Variants in NOL8 observed in about 807,000 individuals in gnomAD.
NOL8 encodes nucleolar protein 8, also known as nucleolar protein Nop132.
In NOL8, 93 loss-of-function variants were observed where a neutral mutation model predicts 116.1. That is an observed-to-expected ratio of 0.80 (90% CI 0.68 to 0.95). NOL8 has a LOEUF of 0.95. Among genes scored for constraint, NOL8 ranks in the 40% least tolerant of loss-of-function variants. The probability of loss-of-function intolerance (pLI) is 0.00; values close to 1 mark genes in which losing one functional copy is unlikely to be tolerated. For synonymous variants in NOL8, 419 were observed against 469.0 expected, an observed-to-expected ratio of 0.89 and a Z score of 1.38; for missense variants, 1,291 against 1,382.8, an observed-to-expected ratio of 0.93 and a Z score of 1.05.
At chr9:92,302,822 A>G (rs778079133) in intron 12 of NOL8, among the ~76,000 whole-genome samples, 1 of 152,248 alleles carries the variant, frequency 6.6e-6, no homozygotes, top group Non-Finnish European at 1.5e-5. Flanking sequence ...AGCAAAAGCT[A>G]GAAGGACCTT....
At position 92,311,205 on chromosome 9, in the gene NOL8, A is replaced by G. The variant is rs1838753017; in HGVS notation, c.2413T>C (p.Cys805Arg). 1 of 1,613,722 alleles carries G rather than the reference A, an allele frequency of 6.2e-7. No homozygotes were observed. Among genetic ancestry groups the G allele is most frequent in the Admixed American group, 1.7e-5 (1 of 59,988 alleles). ...TGAGTCGATGTCTCCTCTGTTTCACATTCACTGTCAGAACCGAAGATGATG... is the reference window on the plus strand; with the variant it reads ...TGAGTCGATGTCTCCTCTGTTTCACGTTCACTGTCAGAACCGAAGATGATG... ...THIIFGSDSE[C>R]ETEETSTQEQ... The change falls in exon 8 of 17, where the codon TGT (cysteine) becomes CGT (arginine). Residue 805 changes from cysteine (C) to arginine (R), a missense_variant. Coordinates refer to ENST00000442668, the MANE Select transcript of NOL8 (RefSeq NM_017948.6).
At chr9:92,317,773 G>A (rs936057659) in intron 6 of NOL8, among the ~76,000 whole-genome samples, 3 of 152,096 alleles carry the variant, frequency 2.0e-5, no homozygotes, top group Non-Finnish European at 4.4e-5. Flanking sequence ...GGTGGCTCAT[G>A]CCTGTAATCC....
At position 92,315,171 on chromosome 9, in the gene NOL8, T is replaced by C. The variant is rs1264871184; in HGVS notation, c.1454A>G (p.Asn485Ser). The C allele has an allele frequency of 2.5e-6, 4 of 1,613,992 alleles. No individual in the cohort carries two copies. Among genetic ancestry groups the C allele is most frequent in the South Asian group, 1.1e-5 (1 of 91,088 alleles). Reference protein sequence around the residue: ...NAMMKNCLRVNLTLADLEQLA... With the variant: ...NAMMKNCLRVSLTLADLEQLA... The stretch of plus-strand genomic sequence containing the variant: ...TTGTTCCAAATCAGCTAAAGTGAGA[T>C]TCACACGAAGGCAGTTTTTCATCAT... The change falls in exon 7 of 17, where the codon AAT becomes AGT. Residue 485 changes from asparagine to serine, a missense_variant. Transcript: ENST00000442668.
At chr9:92,310,374 T>C in intron 9 of NOL8, 113 bp from the exon 10 acceptor site, 2 of 1,165,914 alleles carry the variant, frequency 1.7e-6, no homozygotes, top group Non-Finnish European at 1.2e-6. Flanking sequence ...CATTAAGATG[T>C]TTGCCTACCT....
chr9:92,298,946 G>A lies in NOL8; in HGVS notation c.3311C>T (p.Ser1104Leu), dbSNP rs751434252. 21 of 1,518,808 alleles carry A rather than the reference G, an allele frequency of 1.4e-5. No homozygotes were observed. Among genetic ancestry groups the A allele is most frequent in the Non-Finnish European group, 1.8e-5 (20 of 1,127,052 alleles). 94.1% of individuals were successfully genotyped at this position (1,518,808 alleles called of 1,614,324 possible). A position where few individuals can be genotyped will look rare whatever the true frequency, so the allele number is the denominator to read the frequency against. ...DHRNSSPGEA[S>L]LLEKETTRFF... ...TCTAGTGGTCTCTTTCTCAAGTAAT[G>A]ATGCTTCTCTGAAAAGAAAGGGACA... The change falls in exon 15 of 17, where the codon TCA becomes TTA. Residue 1104 changes from serine to leucine, a missense_variant. Ser to Leu is a moderately radical substitution (Grantham distance 145). Coordinates refer to ENST00000442668, the MANE Select transcript of NOL8 (RefSeq NM_017948.6).
At chr9:92,323,958 T>A (rs1588014770) in intron 2 of NOL8, 65 bp downstream of exon 2, 1 of 1,545,768 alleles carries the variant, frequency 6.5e-7, no homozygotes, top group East Asian at 2.3e-5. Context: ...GGGGTTGTTT[T>A]ATTTTCTAGC....
At chr9:92,323,579 T>A in intron 2 of NOL8, 76 bp from the exon 3 acceptor site, 1 of 1,244,996 alleles carries the variant, frequency 8.0e-7, no homozygotes, top group Non-Finnish European at 1.1e-6. Flanking sequence ...AAACGGTTGT[T>A]TCTAAATTAA....
rs1564201799 is a variant in NOL8, at chr9:92,300,243, A to G, written c.3176-227T>C. The stretch of plus-strand genomic sequence containing the variant: ...TTTGGCATTGCTAGAATGATCTGAT[A>G]AGGACAGCAGTAATATAAAAAAGGT... On this transcript the variant is annotated intron_variant, in intron 13 of 16. Transcript: ENST00000442668. 8.6e-6 allele frequency: 10 copies of G among 1,165,660 alleles called. No homozygotes were observed. In the Admixed American group the frequency reaches 1.3e-4, roughly 15 times the overall value. The allele number at this position is 1,165,660 out of a possible 1,614,324, so 72.2% of individuals were successfully genotyped here.
At chr9:92,302,111 C>T (rs1314212367) in intron 12 of NOL8, among the ~76,000 whole-genome samples, 1 of 152,148 alleles carries the variant, frequency 6.6e-6, no homozygotes, top group Non-Finnish European at 1.5e-5. Flanking sequence ...TATGCCTAAA[C>T]TATACACCTA....
Position 92,315,711 on chromosome 9 carries a change from T to C in NOL8, c.914A>G (p.Glu305Gly). ...NSISDDDTDS[E>G]DELRMMIAKE... ...CGCAATCATCATTCTCAATTCATCTTCAGAATCAGTATCATCATCAGAAAT... is the reference window on the plus strand; with the variant it reads ...CGCAATCATCATTCTCAATTCATCTCCAGAATCAGTATCATCATCAGAAAT... The change falls in exon 7 of 17, where the codon GAA (glutamate) becomes GGA (glycine). Residue 305 changes from glutamate (E) to glycine (G), a missense_variant. Physicochemically the swap from Glu to Gly is moderately conservative, Grantham distance 98 (BLOSUM62 -2). Transcript: ENST00000442668. 1 of 1,612,834 alleles carries C rather than the reference T, an allele frequency of 6.2e-7. No individual in the cohort carries two copies. The highest frequency in any genetic ancestry group is 1.3e-5 in the African/African-American group (1 of 75,050).
intron 12 of NOL8, among the ~76,000 whole-genome samples, chr9:92,303,958 T>C (rs1227743324): frequency 6.6e-6 from 1 of 152,222 alleles, no homozygotes; most frequent in Non-Finnish European, 1.5e-5. Flanking sequence ...GTGACTTTCA[T>C]CTAACAGAGT....
At chr9:92,320,891 G>A (rs1839870463) in intron 4 of NOL8, among the ~76,000 whole-genome samples, 1 of 152,196 alleles carries the variant, frequency 6.6e-6, no homozygotes, top group Non-Finnish European at 1.5e-5. Flanking sequence ...ACAGGCGTGA[G>A]CCACCGTGCC....
intron 10 of NOL8, among the ~76,000 whole-genome samples, chr9:92,309,514 G>A (rs1208392089): frequency 2.0e-5 from 3 of 152,098 alleles, no homozygotes; most frequent in African/African-American, 4.8e-5. Flanking sequence ...AAAAAAAGAA[G>A]GGCAGAGAAG....
chr9:92,316,226 A>AT, intron 6 of NOL8, 88 bp from the exon 7 acceptor site: 1 of 1,365,578 alleles, frequency 7.3e-7, no homozygotes, highest in Non-Finnish European at 9.9e-7. Context: ...TTAATCTCAA[A>AT]TAAGTCATTT....
At chr9:92,323,585 AT>A in intron 2 of NOL8, 82 bp from the exon 3 acceptor site, 1 of 1,166,268 alleles carries the variant, frequency 8.6e-7, no homozygotes, top group Non-Finnish European at 1.2e-6. Context: ...TTGTTTCTAA[AT>A]TAAAAAAAAA....
At chr9:92,321,624 A>G in intron 4 of NOL8, 44 bp downstream of exon 4, 2 of 1,087,170 alleles carry the variant, frequency 1.8e-6, no homozygotes, top group Non-Finnish European at 2.6e-6. Context: ...ACCACTTACA[A>G]TATAAAAAAA....
At chr9:92,310,427 A>G in intron 9 of NOL8, 126 bp downstream of exon 9, 1 of 1,226,634 alleles carries the variant, frequency 8.2e-7, no homozygotes, top group Non-Finnish European at 1.2e-6. Context: ...CAGAAGACTC[A>G]CTCTCCAAAT....
In NOL8 at chr9:92,311,130, A is replaced by C; in HGVS notation, c.2472+16T>G. The C allele has an allele frequency of 1.3e-6, 2 of 1,574,004 alleles. No individual in the cohort carries two copies. Among genetic ancestry groups the C allele is most frequent in the Non-Finnish European group, 1.7e-6 (2 of 1,144,492 alleles). On this transcript the variant is annotated intron_variant, in intron 8 of 16. Transcript: ENST00000442668. ...GAAGTAGATGAATGTCCACAGAGAC[A>C]TCCTGAACTTCTTACTTTCACCCAT...
chr9:92,319,567 C>T (rs541549300), intron 4 of NOL8, among the ~76,000 whole-genome samples: 8 of 152,188 alleles, frequency 5.3e-5, no homozygotes, highest in Non-Finnish European at 1.2e-4. Context: ...GAAGACAGAA[C>T]CGTTAAGAAA....
Sources: allele counts gnomAD v4.1 joint callset (sites outside exome capture counted in the v4.1 genomes callset), GRCh38; gene constraint gnomAD v4.1.1; transcripts MANE v1.5; gene names NCBI Gene and HGNC (gene_info 2026-07-23, HGNC 2026-07-21).